GTF2E1: variants seen among roughly 807,000 people sequenced by gnomAD.
The protein encoded by GTF2E1 is general transcription factor IIE subunit 1, also known as TFIIE alpha subunit.
A neutral mutation model predicts 34.9 loss-of-function variants in GTF2E1; 14 were observed. That is an observed-to-expected ratio of 0.40 (90% CI 0.27 to 0.63). The LOEUF (loss-of-function observed/expected upper bound fraction) is 0.63. Among genes scored for constraint, GTF2E1 ranks in the 20% least tolerant of loss-of-function variants. GTF2E1 has a pLI of 0.39. For synonymous variants in GTF2E1, 188 were observed against 192.9 expected, an observed-to-expected ratio of 0.97 and a Z score of 0.21; for missense variants, 469 against 557.7, an observed-to-expected ratio of 0.84 and a Z score of 1.60.
rs1249225665 is a variant in GTF2E1 at position 120,781,670 on chromosome 3, TCC to T, written c.*201_*202del. ...GGTAGGGTGCTGAGAATCCTACCCT[TCC>T]TTGCTGTCACTACAGTATTAATATT... On this transcript the variant is annotated 3_prime_UTR_variant, in exon 5 of 5. Coordinates refer to ENST00000283875, the MANE Select transcript of GTF2E1 (RefSeq NM_005513.3). 4 of 577,830 alleles carry T rather than the reference TCC, an allele frequency of 6.9e-6. No homozygotes were observed. Among genetic ancestry groups the T allele is most frequent in the Non-Finnish European group, 1.2e-5 (4 of 324,372 alleles). The allele number at this position is 577,830 out of a possible 1,614,324, so 35.8% of individuals were successfully genotyped here. A position where few individuals can be genotyped will look rare whatever the true frequency, so the allele number is the denominator to read the frequency against.
chr3:120,764,872 G>T (rs1262581678), intron 2 of GTF2E1, among the ~76,000 whole-genome samples: 1 of 151,986 alleles, frequency 6.6e-6, no homozygotes, highest in Non-Finnish European at 1.5e-5. Context: ...TTGTTAAAAT[G>T]AAATATGTTG....
chr3:120,778,413 C>A (rs1709419006), intron 4 of GTF2E1, among the ~76,000 whole-genome samples: 1 of 152,194 alleles, frequency 6.6e-6, no homozygotes, highest in African/African-American at 2.4e-5. Flanking sequence ...TGGGTCTTAA[C>A]ACTTGATTTT....
chr3:120,769,758 T>C (rs1709337710), intron 2 of GTF2E1, among the ~76,000 whole-genome samples: 1 of 152,166 alleles, frequency 6.6e-6, no homozygotes, highest in Non-Finnish European at 1.5e-5. Context: ...AATGCCACAG[T>C]CTAGCTGTGA....
intron 2 of GTF2E1, among the ~76,000 whole-genome samples, chr3:120,763,006 A>G (rs1391037439): frequency 6.6e-6 from 1 of 152,198 alleles, no homozygotes; most frequent in Non-Finnish European, 1.5e-5. Flanking sequence ...TAGTATTCAT[A>G]TAGAAAATAT....
At chr3:120,756,394 T>C (rs931722428) in intron 2 of GTF2E1, among the ~76,000 whole-genome samples, 1 of 151,056 alleles carries the variant, frequency 6.6e-6, no homozygotes, top group Non-Finnish European at 1.5e-5. Flanking sequence ...CCTCAGTCTT[T>C]GGAATCTTAT....
intron 3 of GTF2E1, among the ~76,000 whole-genome samples, chr3:120,775,288 A>G (rs1487722510): frequency 6.6e-6 from 1 of 152,180 alleles, no homozygotes; most frequent in Non-Finnish European, 1.5e-5. Flanking sequence ...TTCAGGATCC[A>G]TGGAAAAGAG....
chr3:120,760,463 A>G (rs1401663613), intron 2 of GTF2E1, among the ~76,000 whole-genome samples: 7 of 152,292 alleles, frequency 4.6e-5, no homozygotes, highest in Admixed American at 6.5e-5. Flanking sequence ...TTCCAACACT[A>G]TGTTGAATAG....
chr3:120,775,422 T>TA (rs1709390979), intron 3 of GTF2E1, among the ~76,000 whole-genome samples: 2 of 151,962 alleles, frequency 1.3e-5, no homozygotes, highest in African/African-American at 2.4e-5. Flanking sequence ...GGTTACAGGA[T>TA]AAAAAATAGC....
Position 120,751,243 on chromosome 3 carries a change from A to G in GTF2E1, c.448+243A>G, listed in dbSNP as rs375019813. The stretch of plus-strand genomic sequence containing the variant: ...ACTTATGGCCCTCCTGCCTCTGCCC[A>G]CCCCACCTTGTTTACAACTGCAGCC... On this transcript the variant is annotated intron_variant, in intron 2 of 4. Coordinates refer to ENST00000283875, the MANE Select transcript of GTF2E1 (RefSeq NM_005513.3). Among the ~76,000 whole-genome samples the G allele has an allele frequency of 8.0e-4, 121 of 152,138 alleles. 1 individual carries two copies. The highest frequency in any genetic ancestry group is 2.8e-3 in the African/African-American group (117 of 41,528).
chr3:120,771,814 C>A (rs989071607), intron 3 of GTF2E1, among the ~76,000 whole-genome samples: 21 of 152,158 alleles, frequency 1.4e-4, no homozygotes, highest in Admixed American at 1.4e-3. Flanking sequence ...TATGAATTTT[C>A]TAATCCAGTA....
chr3:120,758,203 A>C (rs986269306), intron 2 of GTF2E1, among the ~76,000 whole-genome samples: 4 of 152,124 alleles, frequency 2.6e-5, no homozygotes, highest in Non-Finnish European at 5.9e-5. Context: ...GTAAAGACAC[A>C]AATAGTAGAG....
At position 120,750,591 on chromosome 3, in the gene GTF2E1, A is replaced by G; in HGVS notation, c.39A>G (p.Ala13=). 2 of 1,613,776 alleles carry G rather than the reference A, an allele frequency of 1.2e-6. No individual in the cohort carries two copies. The highest frequency in any genetic ancestry group is 1.7e-6 in the Non-Finnish European group (2 of 1,179,726). The change falls in exon 2 of 5, where the codon GCA becomes GCG. Residue 13 remains alanine (A), a synonymous_variant. Coordinates refer to ENST00000283875, the MANE Select transcript of GTF2E1 (RefSeq NM_005513.3). ...DPDVLTEVPA[A]LKRLAKYVIR... ...ATGTCCTCACTGAAGTTCCAGCAGC[A>G]TTGAAGCGGTTAGCCAAGTATGTGA...
intron 4 of GTF2E1, among the ~76,000 whole-genome samples, chr3:120,777,665 TTAA>T (rs1709412967): frequency 6.6e-6 from 1 of 152,184 alleles, no homozygotes; most frequent in South Asian, 2.1e-4. Flanking sequence ...TATATTAATT[TTAA>T]TAAGAAAAGG....
chr3:120,746,609 G>A (rs1709107443), intron 1 of GTF2E1, among the ~76,000 whole-genome samples: 1 of 152,068 alleles, frequency 6.6e-6, no homozygotes, highest in South Asian at 2.1e-4. Flanking sequence ...GACCAGCCTG[G>A]GCAAAATGGT....
chr3:120,746,508 C>A (rs1263882850), intron 1 of GTF2E1, among the ~76,000 whole-genome samples: 2 of 151,384 alleles, frequency 1.3e-5, no homozygotes, highest in Non-Finnish European at 2.9e-5. Context: ...AAAAAATTAT[C>A]CTGTGGGCTG....
chr3:120,744,086 T>A (rs1369707549), intron 1 of GTF2E1, among the ~76,000 whole-genome samples: 1 of 152,210 alleles, frequency 6.6e-6, no homozygotes, highest in Non-Finnish European at 1.5e-5. Context: ...GGCTTCAGCT[T>A]ATTGTTTCCA....
Position 120,780,982 on chromosome 3 carries a change from A to G in GTF2E1, c.893-61A>G, listed in dbSNP as rs558379191. ...AAATATATGTTAAAATATTGTCTATATGCTATAAAGAAATGCCATTTATAT... is the reference window on the plus strand; with the variant it reads ...AAATATATGTTAAAATATTGTCTATGTGCTATAAAGAAATGCCATTTATAT... On this transcript the variant is annotated intron_variant, in intron 4 of 4. Transcript: ENST00000283875. 1.6e-4 allele frequency: 169 copies of G among 1,049,504 alleles called. 1 individual carries two copies. The Middle Eastern group carries it at 1.7e-3, about 10-fold the overall frequency. The allele number at this position is 1,049,504 out of a possible 1,614,324, so 65.0% of individuals were successfully genotyped here.
chr3:120,781,532 G>T lies in GTF2E1; in HGVS notation c.*62G>T. ...GTTCAAAAAGGAATGTCTCATCTTT[G>T]AAGAAAAGTATTTAAGTGGCTTTCT... On this transcript the variant is annotated 3_prime_UTR_variant, in exon 5 of 5. Transcript: ENST00000283875. 19 of 1,325,564 alleles carry T rather than the reference G, an allele frequency of 1.4e-5. No individual in the cohort carries two copies. Among genetic ancestry groups the T allele is most frequent in the Admixed American group, 3.8e-5 (2 of 52,040 alleles). The allele number at this position is 1,325,564 out of a possible 1,614,324, so 82.1% of individuals were successfully genotyped here. A position where few individuals can be genotyped will look rare whatever the true frequency, so the allele number is the denominator to read the frequency against.
intron 2 of GTF2E1, among the ~76,000 whole-genome samples, chr3:120,753,002 T>C (rs1308758096): frequency 1.3e-5 from 2 of 152,162 alleles, no homozygotes; most frequent in Non-Finnish European, 2.9e-5. Context: ...TCTGAGAACA[T>C]ACTTGCCTTT....
Sources: allele counts gnomAD v4.1 joint callset (sites outside exome capture counted in the v4.1 genomes callset), GRCh38; gene constraint gnomAD v4.1.1; transcripts MANE v1.5; gene names NCBI Gene and HGNC (gene_info 2026-07-23, HGNC 2026-07-21).